CDH7: variants seen among roughly 807,000 people sequenced by gnomAD.
The protein encoded by CDH7 is cadherin-7.
CDH7 carries 25 observed loss-of-function variants against 71.8 expected under a neutral mutation model. The observed-to-expected ratio is 0.35, with a 90% CI of 0.25 to 0.49. The LOEUF (loss-of-function observed/expected upper bound fraction) is 0.49. Among genes scored for constraint, CDH7 ranks in the 20% least tolerant of loss-of-function variants. The pLI is 0.99. For synonymous variants in CDH7, 381 were observed against 363.8 expected (o/e 1.05, Z -0.54); for missense variants, 862 against 974.6 (o/e 0.88, Z 1.54).
chr18:65,847,178 T>TAGC (rs1422801618), intron 7 of CDH7, among the ~76,000 whole-genome samples: 3 of 152,164 alleles, frequency 2.0e-5, no homozygotes, highest in Non-Finnish European at 2.9e-5. Context: ...GATGAATAAA[T>TAGC]AGCAGTCTTC....
At chr18:65,848,105 C>T (rs917002726) in intron 7 of CDH7, among the ~76,000 whole-genome samples, 1 of 151,918 alleles carries the variant, frequency 6.6e-6, no homozygotes, top group African/African-American at 2.4e-5. Context: ...ATCTATTGAA[C>T]TTGGAAGGAC....
At chr18:65,811,381 A>G (rs1369024304) in intron 3 of CDH7, among the ~76,000 whole-genome samples, 1 of 152,176 alleles carries the variant, frequency 6.6e-6, no homozygotes, top group Non-Finnish European at 1.5e-5. Context: ...TAGCTGCTAG[A>G]GAAATACCAA....
Position 65,863,010 on chromosome 18 carries a change from T to C in CDH7, c.1864+93T>C, listed in dbSNP as rs562426087. 32 of 1,337,398 alleles carry C rather than the reference T, an allele frequency of 2.4e-5. No homozygotes were observed. The East Asian group carries it at 5.3e-4, about 22-fold the overall frequency. 82.8% of individuals were successfully genotyped at this position (1,337,398 alleles called of 1,614,324 possible). A position where few individuals can be genotyped will look rare whatever the true frequency, so the allele number is the denominator to read the frequency against. On this transcript the variant is annotated intron_variant, in intron 11 of 11. Coordinates refer to ENST00000397968, the MANE Select transcript of CDH7 (RefSeq NM_004361.5). ...TTATCTTCTCCATTTGGTGAACATA[T>C]GCAGATATTCTACTGGATGGTGTTT...
At chr18:65,774,186 T>A (rs1043848113) in intron 2 of CDH7, among the ~76,000 whole-genome samples, 1 of 151,948 alleles carries the variant, frequency 6.6e-6, no homozygotes, top group Non-Finnish European at 1.5e-5. Flanking sequence ...ATGATCTTAT[T>A]ATTATTATTA....
chr18:65,759,337 C>A (rs749965177), intron 1 of CDH7, among the ~76,000 whole-genome samples: 1 of 151,614 alleles, frequency 6.6e-6, no homozygotes, highest in Non-Finnish European at 1.5e-5. Context: ...CTCCACCTCC[C>A]GAGTTTAAGC....
intron 2 of CDH7, among the ~76,000 whole-genome samples, chr18:65,789,095 C>T (rs560378584): frequency 2.6e-5 from 4 of 152,246 alleles, no homozygotes; most frequent in African/African-American, 7.2e-5. Flanking sequence ...CTTGTCCTTC[C>T]TGCAGATTGT....
At chr18:65,878,793 A>T (rs1914139646) in intron 11 of CDH7, among the ~76,000 whole-genome samples, 1 of 152,184 alleles carries the variant, frequency 6.6e-6, no homozygotes, top group South Asian at 2.1e-4. Flanking sequence ...GAGAGCAGGG[A>T]TATCTGTGCC....
Position 65,858,983 on chromosome 18 carries a change from T to C in CDH7, c.1431T>C (p.Asp477=). The part of the protein sequence containing the change: ...YVAITILDIN[D]NAPEFAMDYE... ...CCATCACTATACTTGACATCAATGA[T>C]AACGCCCCTGAATTTGCCATGGACT... is the stretch of plus-strand genomic sequence containing the variant. Residue 477 remains aspartate (D), a synonymous_variant, in exon 9 of 12, where the codon GAT becomes GAC. Transcript: ENST00000397968. The C allele has an allele frequency of 5.0e-6, 8 of 1,613,036 alleles. No homozygotes were observed. The highest frequency in any genetic ancestry group is 6.8e-6 in the Non-Finnish European group (8 of 1,179,088).
chr18:65,864,734 A>C (rs1252017650), intron 11 of CDH7, among the ~76,000 whole-genome samples: 1 of 150,852 alleles, frequency 6.6e-6, no homozygotes, highest in Non-Finnish European at 1.5e-5. Flanking sequence ...TAAAAATACA[A>C]AAAAAAATTA....
intron 1 of CDH7, among the ~76,000 whole-genome samples, chr18:65,759,309 G>A (rs943733359): frequency 8.7e-5 from 13 of 149,502 alleles, no homozygotes; most frequent in Admixed American, 5.3e-4. Context: ...CAGTGGTGCC[G>A]TCTCGGCTCC....
intron 2 of CDH7, among the ~76,000 whole-genome samples, chr18:65,802,005 G>A (rs8086385): frequency 0.039 from 5,969 of 152,280 alleles, 396 homozygotes; most frequent in African/African-American, 0.13. Flanking sequence ...ATTTGTGCAA[G>A]TCTTAAGGAT....
intron 6 of CDH7, among the ~76,000 whole-genome samples, chr18:65,838,885 C>T (rs1219694528): frequency 6.6e-6 from 1 of 152,188 alleles, no homozygotes; most frequent in Non-Finnish European, 1.5e-5. Context: ...ATGAGAAACA[C>T]GTACTCTTTA....
chr18:65,849,005 T>C (rs1205497661), intron 7 of CDH7, among the ~76,000 whole-genome samples: 1 of 152,144 alleles, frequency 6.6e-6, no homozygotes, highest in African/African-American at 2.4e-5. Context: ...TATGTGCACA[T>C]ATGAAATCTA....
rs72393865 is a variant in CDH7 at position 65,784,113 on chromosome 18, A to ATT, written c.210+21079_210+21080dup. ...AACACAGGCATTACCACCCACAGCT[A>ATT]TTTTTTTTTTTTTTTTTTTGTAGAG... On this transcript the variant is annotated intron_variant, in intron 2 of 11. Coordinates refer to ENST00000397968, the MANE Select transcript of CDH7 (RefSeq NM_004361.5). 1.2e-3 allele frequency among the ~76,000 whole-genome samples: 125 copies of ATT among 106,762 alleles called. 1 individual carries two copies. The highest frequency in any genetic ancestry group is 3.7e-3 in the African/African-American group (99 of 27,038). 70.0% of individuals were successfully genotyped at this position (106,762 alleles called of 152,430 possible). A position where few individuals can be genotyped will look rare whatever the true frequency, so the allele number is the denominator to read the frequency against.
chr18:65,780,014 T>C, intron 2 of CDH7, among the ~76,000 whole-genome samples: 1 of 110,786 alleles, frequency 9.0e-6, no homozygotes, highest in African/African-American at 5.7e-5. Flanking sequence ...TGTGAGATTA[T>C]ATCTCATAGT....
intron 11 of CDH7, among the ~76,000 whole-genome samples, chr18:65,877,242 A>G (rs144769026): frequency 6.6e-6 from 1 of 152,126 alleles, no homozygotes; most frequent in African/African-American, 2.4e-5. Context: ...AAACTGCATA[A>G]CACATTAATA....
At chr18:65,804,876 C>A in intron 2 of CDH7, among the ~76,000 whole-genome samples, 1 of 152,096 alleles carries the variant, frequency 6.6e-6, no homozygotes, top group Non-Finnish European at 1.5e-5. Context: ...CTAAATGTTA[C>A]CATGAGCAAC....
chr18:65,806,108 T>G (rs946718054), intron 2 of CDH7, among the ~76,000 whole-genome samples: 1 of 152,278 alleles, frequency 6.6e-6, no homozygotes, highest in Non-Finnish European at 1.5e-5. Flanking sequence ...TAAAATGTGA[T>G]TTGCATTCAT....
At chr18:65,830,977 T>C (rs2143959608) in intron 6 of CDH7, among the ~76,000 whole-genome samples, 1 of 152,170 alleles carries the variant, frequency 6.6e-6, no homozygotes, top group South Asian at 2.1e-4. Flanking sequence ...TTTAAAAAAT[T>C]GCTGTTTAAA....
Sources: gnomAD v4.1 joint callset for allele counts (sites outside exome capture counted in the v4.1 genomes callset) on GRCh38, gnomAD v4.1.1 for gene constraint, MANE v1.5 for transcripts, NCBI Gene and HGNC (gene_info 2026-07-23, HGNC 2026-07-21) for gene names.